The following FBXL7 variants were observed in gnomAD, a reference collection of about 807,000 sequenced individuals.
FBXL7 encodes the protein F-box and leucine rich repeat protein 7, also known as F-box/LRR-repeat protein 7.
Under a neutral mutation model 38.3 loss-of-function variants are expected in FBXL7, and 12 were observed. The observed-to-expected ratio is 0.31, with a 90% CI of 0.20 to 0.51. The LOEUF is 0.51. FBXL7 is among the 20% of genes least tolerant of loss of function. FBXL7 has a pLI of 0.98. For missense variants in FBXL7, 567 were observed against 676.4 expected, an observed-to-expected ratio of 0.84 and a Z score of 1.79; for synonymous variants, 297 against 300.9, an observed-to-expected ratio of 0.99 and a Z score of 0.13.
At chr5:15,514,507 C>T (rs1200837532) in intron 1 of FBXL7, among the ~76,000 whole-genome samples, 1 of 152,122 alleles carries the variant, frequency 6.6e-6, no homozygotes, top group East Asian at 1.9e-4. Context: ...CTCAGAGCAC[C>T]TTCCAAACAA....
intron 2 of FBXL7, among the ~76,000 whole-genome samples, chr5:15,667,881 C>T (rs1742338144): frequency 6.6e-6 from 1 of 152,192 alleles, no homozygotes; most frequent in Non-Finnish European, 1.5e-5. Context: ...AACTTGGATT[C>T]ATATCTCTGC....
intron 3 of FBXL7, among the ~76,000 whole-genome samples, chr5:15,929,471 T>C (rs887279001): frequency 1.3e-5 from 2 of 152,062 alleles, no homozygotes; most frequent in Middle Eastern, 3.4e-3. Context: ...ACTGGAAATA[T>C]TAGCCAGGCA....
At chr5:15,787,120 C>T (rs1176886181) in intron 2 of FBXL7, among the ~76,000 whole-genome samples, 2 of 152,144 alleles carry the variant, frequency 1.3e-5, no homozygotes, top group Non-Finnish European at 1.5e-5. Flanking sequence ...CAGGGAGTGC[C>T]GCCCCACCTT....
intron 2 of FBXL7, among the ~76,000 whole-genome samples, chr5:15,851,090 G>T (rs1000393204): frequency 6.6e-6 from 1 of 152,142 alleles, no homozygotes; most frequent in African/African-American, 2.4e-5. Flanking sequence ...AGCATTGCTT[G>T]TGGAGCTATT....
rs775373271 is a variant in FBXL7, at chr5:15,504,040, C to T, written c.37+3327C>T. ...GTGTATTCCAAGGACTAGCGCTATC[C>T]GCATCACCTGGGAGCTTGTCAAAAA... On this transcript the variant is annotated intron_variant, in intron 1 of 3. Transcript: ENST00000504595. Among the ~76,000 whole-genome samples, 17 of 152,324 alleles carry T rather than the reference C, an allele frequency of 1.1e-4. No homozygotes were observed. In the East Asian group the frequency reaches 2.3e-3, roughly 21 times the overall value.
intron 2 of FBXL7, among the ~76,000 whole-genome samples, chr5:15,625,972 G>T (rs929704568): frequency 2.0e-5 from 3 of 152,166 alleles, no homozygotes; most frequent in African/African-American, 4.8e-5. Flanking sequence ...TGCGTGGGGG[G>T]CCTTAAGAGG....
intron 1 of FBXL7, among the ~76,000 whole-genome samples, chr5:15,562,163 G>A (rs955519752): frequency 6.6e-5 from 10 of 152,084 alleles, no homozygotes; most frequent in African/African-American, 2.2e-4. Flanking sequence ...AACATTCTTA[G>A]AATAAAATAT....
intron 2 of FBXL7, among the ~76,000 whole-genome samples, chr5:15,662,139 C>G (rs565188602): frequency 2.0e-5 from 3 of 152,248 alleles, no homozygotes; most frequent in African/African-American, 7.2e-5. Context: ...CACTCCCACC[C>G]CAACAGTGTA....
At chr5:15,812,008 A>G (rs1278416883) in intron 2 of FBXL7, among the ~76,000 whole-genome samples, 1 of 152,212 alleles carries the variant, frequency 6.6e-6, no homozygotes, top group Non-Finnish European at 1.5e-5. Context: ...AAGGATTATA[A>G]ATCATTCTAC....
chr5:15,925,066 A>G (rs1035219944), intron 2 of FBXL7, among the ~76,000 whole-genome samples: 14 of 148,720 alleles, frequency 9.4e-5, no homozygotes, highest in African/African-American at 2.7e-4. Context: ...ATGAGGAAAT[A>G]TACTCTGTCT....
intron 2 of FBXL7, among the ~76,000 whole-genome samples, chr5:15,918,687 C>G (rs1175125265): frequency 6.6e-6 from 1 of 152,212 alleles, no homozygotes; most frequent in East Asian, 1.9e-4. Context: ...TACATGAGTT[C>G]CACCATCCTC....
At chr5:15,889,762 C>G (rs761590795) in intron 2 of FBXL7, among the ~76,000 whole-genome samples, 1 of 152,190 alleles carries the variant, frequency 6.6e-6, no homozygotes, top group African/African-American at 2.4e-5. Flanking sequence ...TAAATGACTG[C>G]AGGCATATGG....
At chr5:15,890,475 A>T (rs548423431) in intron 2 of FBXL7, among the ~76,000 whole-genome samples, 4 of 152,108 alleles carry the variant, frequency 2.6e-5, no homozygotes, top group Non-Finnish European at 4.4e-5. Flanking sequence ...TCTCGACCTC[A>T]GGTGATCCAC....
At chr5:15,681,439 T>G (rs1742842182) in intron 2 of FBXL7, among the ~76,000 whole-genome samples, 1 of 152,172 alleles carries the variant, frequency 6.6e-6, no homozygotes, top group Non-Finnish European at 1.5e-5. Flanking sequence ...TATTGAAAAG[T>G]GTATAAAGGG....
At chr5:15,864,624 A>G (rs1739626385) in intron 2 of FBXL7, among the ~76,000 whole-genome samples, 1 of 152,198 alleles carries the variant, frequency 6.6e-6, no homozygotes, top group African/African-American at 2.4e-5. Flanking sequence ...CTCAGAGAAG[A>G]GTAACCAAAC....
chr5:15,674,965 G>T (rs894962429), intron 2 of FBXL7, among the ~76,000 whole-genome samples: 2 of 152,170 alleles, frequency 1.3e-5, no homozygotes, highest in African/African-American at 4.8e-5. Context: ...TCAGTGGTCA[G>T]TCTGTGTTAT....
chr5:15,643,722 A>G (rs1209577695), intron 2 of FBXL7, among the ~76,000 whole-genome samples: 1 of 152,214 alleles, frequency 6.6e-6, no homozygotes, highest in East Asian at 1.9e-4. Context: ...AGTGTGGTCA[A>G]GGAAGAGGAG....
chr5:15,557,489 G>T (rs1434958558), intron 1 of FBXL7, among the ~76,000 whole-genome samples: 1 of 152,114 alleles, frequency 6.6e-6, no homozygotes, highest in African/African-American at 2.4e-5. Flanking sequence ...ATGGCATAAG[G>T]CTTCTAAAAG....
rs985116305 is a variant in FBXL7 at position 15,928,784 on chromosome 5, A to T, written c.739+283A>T. ...ACGTGCAGGTTAGTTACATATGTAT[A>T]CATGTGCCATGTTGGTGTGCTGCAC... On this transcript the variant is annotated intron_variant, in intron 3 of 3. Coordinates refer to ENST00000504595, the MANE Select transcript of FBXL7 (RefSeq NM_012304.5). This position sits in a 1 kb window ranked among gnomAD's most constrained non-coding sequence, Gnocchi z 4.0. Among the ~76,000 whole-genome samples the T allele has an allele frequency of 6.6e-6, 1 of 152,128 alleles. No homozygotes were observed. The highest frequency in any genetic ancestry group is 1.5e-5 in the Non-Finnish European group (1 of 68,030).
Sources: gnomAD v4.1 joint callset for allele counts (sites outside exome capture counted in the v4.1 genomes callset) on GRCh38, gnomAD v4.1.1 for gene constraint, Gnocchi (gnomAD v3.1) non-coding constraint, MANE v1.5 for transcripts, NCBI Gene and HGNC (gene_info 2026-07-23, HGNC 2026-07-21) for gene names.